NUDT6: variants seen among roughly 807,000 people sequenced by gnomAD.
NUDT6 encodes FAD diphosphatase NUDT6.
NUDT6 carries 24 observed loss-of-function variants against 36.8 expected under a neutral mutation model. The ratio of observed to expected loss-of-function variants is 0.65; its 90% CI spans 0.47 to 0.92. NUDT6 has a LOEUF of 0.92. Among genes scored for constraint, NUDT6 ranks in the 40% least tolerant of loss-of-function variants. NUDT6 has a pLI of 0.00. For missense variants in NUDT6, 388 were observed against 392.8 expected (o/e 0.99, Z 0.10); for synonymous variants, 163 against 157.0 (o/e 1.04, Z -0.29).
chr4:122,922,644 A>G (rs1438240631), upstream of NUDT6: 1 of 1,337,042 alleles, frequency 7.5e-7, no homozygotes, highest in African/African-American at 1.4e-5. Flanking sequence ...GCGGCCGTAC[A>G]TTTTAGAAGA....
chr4:122,894,711 A>G (rs1219373990), intron 4 of NUDT6: 1 of 152,200 alleles, frequency 6.6e-6, no homozygotes, highest in Non-Finnish European at 1.5e-5. Context: ...ATCCCCTAAC[A>G]TGTTTAAATG....
Position 122,892,888 on chromosome 4 carries a change from A to T in NUDT6, c.891T>A (p.Phe297Leu). ...EELPAVYTGL[F>L]YKLYHKELPE... ...GCAGTTCCTTATGATAGAGTTTATA[A>T]AACAGTCCTGTGTAAACTGCTGGAA... Residue 297 changes from phenylalanine to leucine, a missense_variant, in exon 5 of 5, where the codon TTT becomes TTA. Physicochemically the swap from Phe to Leu is conservative, Grantham distance 22 (BLOSUM62 0). Transcript: ENST00000304430. The T allele has an allele frequency of 6.2e-7, 1 of 1,613,754 alleles. No individual in the cohort carries two copies. Among genetic ancestry groups the T allele is most frequent in the Non-Finnish European group, 8.5e-7 (1 of 1,179,660 alleles).
chr4:122,913,581 C>A (rs989942136), intron 2 of NUDT6, among the ~76,000 whole-genome samples: 1 of 152,136 alleles, frequency 6.6e-6, no homozygotes, highest in Non-Finnish European at 1.5e-5. Flanking sequence ...CCCTGATGAT[C>A]CAAATCTCAA....
upstream of NUDT6, chr4:122,922,798 CACTT>C (rs1375259673): frequency 3.1e-5 from 18 of 580,226 alleles, no homozygotes; most frequent in Non-Finnish European, 5.1e-5. Flanking sequence ...CACCGCCACT[CACTT>C]ATTTTGTTTG....
At chr4:122,909,327 A>G (rs1727684211) in intron 3 of NUDT6, among the ~76,000 whole-genome samples, 1 of 152,200 alleles carries the variant, frequency 6.6e-6, no homozygotes, top group Non-Finnish European at 1.5e-5. Flanking sequence ...AAGTTATTGT[A>G]ACCTCTCTAA....
intron 1 of NUDT6, chr4:122,918,612 A>C (rs1161433695): frequency 6.6e-6 from 1 of 152,214 alleles, no homozygotes; most frequent in African/African-American, 2.4e-5. Flanking sequence ...TTATATATCA[A>C]ATAGTTAATT....
intron 3 of NUDT6, chr4:122,897,931 A>G (rs1727414862): frequency 2.2e-6 from 1 of 445,778 alleles, no homozygotes; most frequent in Non-Finnish European, 4.0e-6. Context: ...TTAACGTGAT[A>G]CATTCTGTAT....
At chr4:122,908,571 T>A (rs1375808992) in intron 3 of NUDT6, among the ~76,000 whole-genome samples, 2 of 152,218 alleles carry the variant, frequency 1.3e-5, no homozygotes, top group African/African-American at 4.8e-5. Context: ...TTGTAACTCC[T>A]GCCTCCCTCA....
intron 2 of NUDT6, among the ~76,000 whole-genome samples, chr4:122,913,036 T>C (rs1320806080): frequency 6.6e-6 from 1 of 152,242 alleles, no homozygotes; most frequent in Non-Finnish European, 1.5e-5. Context: ...AGTGCTCAAA[T>C]ACTTTTGGAT....
At position 122,922,359 on chromosome 4, in the gene NUDT6, C is replaced by A; in HGVS notation, c.214G>T (p.Ala72Ser). Residue 72 changes from alanine (A) to serine (S), a missense_variant, in exon 1 of 5, where the codon GCC (alanine) becomes TCC (serine). Physicochemically the swap from Ala to Ser is moderately conservative, Grantham distance 99 (BLOSUM62 1). Coordinates refer to ENST00000304430, the MANE Select transcript of NUDT6 (RefSeq NM_007083.5). ...CCCTGCAAGCCCTTCTGGAAGGCGGCAGCGTCCAGGCGGTCCAGCGCATCG... is the reference window on the plus strand; with the variant it reads ...CCCTGCAAGCCCTTCTGGAAGGCGGAAGCGTCCAGGCGGTCCAGCGCATCG... ...RLDALDRLDA[A>S]AFQKGLQAAV... 6.2e-7 allele frequency: 1 copy of A among 1,603,314 alleles called. No individual in the cohort carries two copies.
intron 3 of NUDT6, among the ~76,000 whole-genome samples, chr4:122,912,024 G>GT (rs70955081): frequency 0.45 from 69,010 of 151,906 alleles, 17,589 homozygotes; most frequent in Non-Finnish European, 0.57. Context: ...TTATCAGTTT[G>GT]TTTTTTATTT....
chr4:122,900,452 T>C lies in NUDT6; in HGVS notation c.499-2774A>G, dbSNP rs189123096. ...TCCCACCACCCTGACCAATCTCCTA[T>C]GCTATGCTAAATATTTGTATAAGAA... On this transcript the variant is annotated intron_variant, in intron 3 of 4. Coordinates refer to ENST00000304430, the MANE Select transcript of NUDT6 (RefSeq NM_007083.5). 3.5e-3 allele frequency among the ~76,000 whole-genome samples: 527 copies of C among 149,618 alleles called. 3 individuals carry two copies. The highest frequency in any genetic ancestry group is 0.012 in the African/African-American group (472 of 39,178).
chr4:122,899,930 A>C (rs1405094690), intron 3 of NUDT6, among the ~76,000 whole-genome samples: 2 of 152,140 alleles, frequency 1.3e-5, no homozygotes, highest in Non-Finnish European at 2.9e-5. Flanking sequence ...GGCCACTCAT[A>C]GAAAGAGTTG....
At chr4:122,914,045 T>G (rs1339963837) in intron 2 of NUDT6, among the ~76,000 whole-genome samples, 1 of 152,196 alleles carries the variant, frequency 6.6e-6, no homozygotes, top group Non-Finnish European at 1.5e-5. Context: ...ACAGATACAG[T>G]GGTGAACAAC....
At chr4:122,900,048 ACCCCCGCCACCCCCCCCCCGG>A (rs1387872677) in intron 3 of NUDT6, among the ~76,000 whole-genome samples, 1 of 77,216 alleles carries the variant, frequency 1.3e-5, no homozygotes, top group East Asian at 4.3e-4. Flanking sequence ...ATGGTCATGC[ACCCCCGCCACCCCCCCCCCGG>A]CCCCCACCAC....
At chr4:122,909,364 A>G (rs2150806006) in intron 3 of NUDT6, among the ~76,000 whole-genome samples, 1 of 152,334 alleles carries the variant, frequency 6.6e-6, no homozygotes. Flanking sequence ...AATGGAGATA[A>G]TAATAAGTAT....
intron 3 of NUDT6, among the ~76,000 whole-genome samples, chr4:122,901,390 G>A (rs1419622839): frequency 1.3e-5 from 2 of 152,042 alleles, no homozygotes; most frequent in Non-Finnish European, 2.9e-5. Context: ...ATCATATTTT[G>A]GAATGGTGAA....
chr4:122,900,057 A>AC (rs57059464), intron 3 of NUDT6, among the ~76,000 whole-genome samples: 5,164 of 88,606 alleles, frequency 0.058, 146 homozygotes, highest in African/African-American at 0.13. Flanking sequence ...CACCCCCGCC[A>AC]CCCCCCCCCC....
intron 4 of NUDT6, chr4:122,893,660 A>C (rs1167946257): frequency 6.5e-6 from 1 of 153,586 alleles, no homozygotes; most frequent in Non-Finnish European, 1.4e-5. Context: ...ATCAGTTTTC[A>C]AGAAACTTGG....
Sources: allele counts gnomAD v4.1 joint callset (sites outside exome capture counted in the v4.1 genomes callset), GRCh38; gene constraint gnomAD v4.1.1; transcripts MANE v1.5; gene names NCBI Gene and HGNC (gene_info 2026-07-23, HGNC 2026-07-21).